The following TPD52L1 variants were observed in gnomAD, a reference collection of about 807,000 sequenced individuals.
TPD52L1 encodes TPD52 like 1.
In TPD52L1, 18 loss-of-function variants were observed where a neutral mutation model predicts 28.7. The observed-to-expected ratio is 0.63, with a 90% CI of 0.43 to 0.93. TPD52L1 has a LOEUF of 0.93. TPD52L1 is among the 40% of genes least tolerant of loss of function. The probability of loss-of-function intolerance (pLI) is 0.00; values close to 1 mark genes in which losing one functional copy is unlikely to be tolerated. For synonymous variants in TPD52L1, 75 were observed against 88.8 expected (o/e 0.84, Z 0.88); for missense variants, 203 against 254.8 (o/e 0.80, Z 1.39).
chr6:125,165,411 C>T (rs1790831674), intron 1 of TPD52L1, among the ~76,000 whole-genome samples: 1 of 152,140 alleles, frequency 6.6e-6, no homozygotes, highest in Non-Finnish European at 1.5e-5. Flanking sequence ...AGCAATTTCT[C>T]ACAGTGTGAA....
intron 6 of TPD52L1, 188 bp from the exon 7 acceptor site, chr6:125,262,646 C>A: frequency 2.8e-6 from 2 of 725,610 alleles, no homozygotes; most frequent in South Asian, 2.3e-5. Flanking sequence ...GAATCCTATC[C>A]GAGAACCCAA....
intron 3 of TPD52L1, among the ~76,000 whole-genome samples, chr6:125,242,604 AG>A (rs1269481408): frequency 1.3e-5 from 2 of 152,072 alleles, no homozygotes; most frequent in African/African-American, 4.8e-5. Context: ...ATATAAGAAT[AG>A]CTACTCCTGC....
At chr6:125,196,557 C>G (rs1424545545) in intron 1 of TPD52L1, among the ~76,000 whole-genome samples, 1 of 152,194 alleles carries the variant, frequency 6.6e-6, no homozygotes, top group Non-Finnish European at 1.5e-5. Context: ...ATTATGTTTT[C>G]TGTTAGCTTA....
intron 3 of TPD52L1, among the ~76,000 whole-genome samples, chr6:125,238,888 TGTAAGCTGGTTCC>T (rs1796444343): frequency 6.6e-6 from 1 of 152,256 alleles, no homozygotes; most frequent in Non-Finnish European, 1.5e-5. Context: ...TTGATGGGCA[TGTAAGCTGGTTCC>T]ATATTTTTGC....
chr6:125,167,960 C>T (rs566846380), intron 1 of TPD52L1, among the ~76,000 whole-genome samples: 1 of 152,078 alleles, frequency 6.6e-6, no homozygotes, highest in South Asian at 2.1e-4. Context: ...ATTAAAGTCA[C>T]AATATATTTG....
chr6:125,220,337 A>G (rs2114962173), intron 2 of TPD52L1, 144 bp downstream of exon 2: 1 of 603,186 alleles, frequency 1.7e-6, no homozygotes, highest in African/African-American at 1.9e-5. Context: ...ACATTACAAG[A>G]TGATTCATTT....
chr6:125,261,834 C>T (rs993281622), intron 6 of TPD52L1: 4 of 152,158 alleles, frequency 2.6e-5, no homozygotes, highest in African/African-American at 4.8e-5. Flanking sequence ...AAAAAAGCCT[C>T]ATAAACCATC....
At chr6:125,160,480 C>A (rs754701254) in intron 1 of TPD52L1, among the ~76,000 whole-genome samples, 14 of 152,150 alleles carry the variant, frequency 9.2e-5, no homozygotes, top group Non-Finnish European at 1.9e-4. Context: ...CTGCCTTGGC[C>A]TCACAAAGTG....
intron 1 of TPD52L1, among the ~76,000 whole-genome samples, chr6:125,204,722 G>A (rs1404338538): frequency 6.6e-5 from 10 of 152,082 alleles, no homozygotes; most frequent in Admixed American, 1.3e-4. Flanking sequence ...CTCGTGATCC[G>A]CCCACCTCGG....
In TPD52L1 at chr6:125,211,773, C is replaced by T. The variant is rs190104401; in HGVS notation, c.20-8305C>T. ...AGCCTCTGCCAAAACTTCACGGCAA[C>T]AGGAATAAAACACACTTAAGAGACT... On this transcript the variant is annotated intron_variant, in intron 1 of 6. Transcript: ENST00000534000. Among the ~76,000 whole-genome samples the T allele has an allele frequency of 3.1e-3, 466 of 152,302 alleles. 1 individual carries two copies. Among genetic ancestry groups the T allele is most frequent in the Non-Finnish European group, 4.5e-3 (304 of 68,024 alleles).
intron 2 of TPD52L1, among the ~76,000 whole-genome samples, chr6:125,222,675 C>T (rs1012231285): frequency 3.9e-5 from 6 of 152,232 alleles, no homozygotes; most frequent in African/African-American, 1.4e-4. Flanking sequence ...ACCTGAGTCA[C>T]ATAACAGGCA....
At chr6:125,248,196 AT>A in intron 3 of TPD52L1, 85 bp from the exon 4 acceptor site, 1 of 1,105,846 alleles carries the variant, frequency 9.0e-7, no homozygotes, top group Admixed American at 2.0e-5. Context: ...AGGAAAGGAC[AT>A]TTTCAAAGTA....
At chr6:125,173,690 A>G (rs1382702915) in intron 1 of TPD52L1, among the ~76,000 whole-genome samples, 1 of 152,236 alleles carries the variant, frequency 6.6e-6, no homozygotes, top group Non-Finnish European at 1.5e-5. Flanking sequence ...AAATACATGT[A>G]TTAAGCTATT....
intron 2 of TPD52L1, among the ~76,000 whole-genome samples, chr6:125,224,911 G>A (rs1178711190): frequency 1.3e-5 from 2 of 152,096 alleles, no homozygotes; most frequent in African/African-American, 2.4e-5. Flanking sequence ...ATTTTAAAGT[G>A]ACCAATTCAG....
chr6:125,250,715 T>G (rs1583016645), intron 4 of TPD52L1, among the ~76,000 whole-genome samples: 1 of 152,214 alleles, frequency 6.6e-6, no homozygotes, highest in East Asian at 1.9e-4. Flanking sequence ...TTGGGTACAA[T>G]GTCAAGGTTG....
chr6:125,242,666 T>G (rs751482827), intron 3 of TPD52L1, among the ~76,000 whole-genome samples: 6 of 152,174 alleles, frequency 3.9e-5, no homozygotes, highest in Non-Finnish European at 8.8e-5. Flanking sequence ...CTCTTTACCT[T>G]AAGTTGATGT....
intron 1 of TPD52L1, among the ~76,000 whole-genome samples, chr6:125,195,809 G>T (rs1244813659): frequency 8.5e-5 from 13 of 152,140 alleles, no homozygotes; most frequent in Non-Finnish European, 1.8e-4. Flanking sequence ...TCAGACCATT[G>T]TTGGTTTTGC....
chr6:125,232,488 G>A, intron 3 of TPD52L1, among the ~76,000 whole-genome samples: 1 of 152,066 alleles, frequency 6.6e-6, no homozygotes, highest in East Asian at 1.9e-4. Context: ...AAAATTTGAT[G>A]TGAAGAAATG....
intron 1 of TPD52L1, among the ~76,000 whole-genome samples, chr6:125,211,814 T>A (rs1209526401): frequency 2.6e-5 from 4 of 152,294 alleles, no homozygotes; most frequent in Admixed American, 6.5e-5. Flanking sequence ...ACTACACACC[T>A]GATTCAATAA....
Sources: gnomAD v4.1 joint callset for allele counts (sites outside exome capture counted in the v4.1 genomes callset) on GRCh38, gnomAD v4.1.1 for gene constraint, MANE v1.5 for transcripts, NCBI Gene and HGNC (gene_info 2026-07-23, HGNC 2026-07-21) for gene names.